ZMYND11: variants seen among roughly 807,000 people sequenced by gnomAD.
ZMYND11 encodes zinc finger MYND domain-containing protein 11.
Under a neutral mutation model 84.9 loss-of-function variants are expected in ZMYND11, and 9 were observed. That is an observed-to-expected ratio of 0.11 (90% CI 0.06 to 0.18). The LOEUF (loss-of-function observed/expected upper bound fraction) is 0.18. ZMYND11 is among the 10% of genes least tolerant of loss of function. The pLI is 1.00. For synonymous variants in ZMYND11, 250 were observed against 244.1 expected, an observed-to-expected ratio of 1.02 and a Z score of -0.23; for missense variants, 409 against 761.0, an observed-to-expected ratio of 0.54 and a Z score of 5.44.
chr10:244,697 A>G (rs2131873076), intron 10 of ZMYND11: 1 of 152,398 alleles, frequency 6.6e-6, no homozygotes, highest in East Asian at 1.9e-4. Context: ...TGGCAGACAT[A>G]GAGCCAGATT....
chr10:239,839 A>C, intron 7 of ZMYND11: 4 of 550,288 alleles, frequency 7.3e-6, no homozygotes, highest in Non-Finnish European at 9.6e-6. Context: ...CATCATCCAA[A>C]GGTAAGGTCA....
chr10:185,739 C>T (rs1446594634), intron 2 of ZMYND11, among the ~76,000 whole-genome samples: 3 of 139,824 alleles, frequency 2.1e-5, no homozygotes, highest in Non-Finnish European at 3.0e-5. Context: ...CACTTGAACC[C>T]GGGAGGCGGA....
At chr10:186,044 C>CT (rs760930795) in intron 2 of ZMYND11, among the ~76,000 whole-genome samples, 3 of 149,342 alleles carry the variant, frequency 2.0e-5, no homozygotes, top group Non-Finnish European at 3.0e-5. Context: ...GAGTCTGGCT[C>CT]TTTCGCCCAG....
chr10:149,473 G>A (rs1554756376), intron 1 of ZMYND11, among the ~76,000 whole-genome samples: 1 of 151,882 alleles, frequency 6.6e-6, no homozygotes, highest in African/African-American at 2.4e-5. Flanking sequence ...ACCATGCCTG[G>A]CTAATTTTTT....
chr10:245,885 A>G (rs1053655486), intron 10 of ZMYND11, among the ~76,000 whole-genome samples: 24 of 152,330 alleles, frequency 1.6e-4, no homozygotes, highest in African/African-American at 5.3e-4. Flanking sequence ...AGAGATTCCA[A>G]CCACTAATAG....
chr10:196,825 G>A (rs1013143998), intron 2 of ZMYND11, among the ~76,000 whole-genome samples: 1 of 152,198 alleles, frequency 6.6e-6, no homozygotes, highest in Non-Finnish European at 1.5e-5. Flanking sequence ...GGAAGAGAAT[G>A]TCTGAAACTG....
chr10:251,700 A>G (rs1953525943), intron 14 of ZMYND11, among the ~76,000 whole-genome samples: 1 of 152,152 alleles, frequency 6.6e-6, no homozygotes. Context: ...CCCATGACCA[A>G]AGAGTTCAAC....
intron 6 of ZMYND11, among the ~76,000 whole-genome samples, chr10:238,436 A>G (rs937425266): frequency 6.6e-6 from 1 of 151,804 alleles, no homozygotes; most frequent in Non-Finnish European, 1.5e-5. Context: ...GGCTCACTGC[A>G]AGCTCTGCCT....
intron 14 of ZMYND11, chr10:249,911 G>T (rs985312424): frequency 1.9e-5 from 7 of 373,052 alleles, no homozygotes; most frequent in Non-Finnish European, 2.2e-5. Context: ...TCGAATAGAT[G>T]AAGATAACTT....
At chr10:201,876 G>A (rs1943242160) in intron 2 of ZMYND11, among the ~76,000 whole-genome samples, 1 of 152,066 alleles carries the variant, frequency 6.6e-6, no homozygotes, top group Admixed American at 6.6e-5. Context: ...CCTGACCTGC[G>A]GTATTAAGTG....
chr10:158,356 C>T (rs1842158165), intron 1 of ZMYND11, among the ~76,000 whole-genome samples: 1 of 151,944 alleles, frequency 6.6e-6, no homozygotes, highest in Non-Finnish European at 1.5e-5. Flanking sequence ...TATGAAAACA[C>T]CGGTTTCTAT....
chr10:158,991 G>A (rs66529009), intron 1 of ZMYND11, among the ~76,000 whole-genome samples: 2 of 58,576 alleles, frequency 3.4e-5, no homozygotes, highest in African/African-American at 1.1e-4. Context: ...TTTGTTTTTT[G>A]TTTTTTTTTT....
At chr10:233,320 G>A (rs1026877239) in intron 4 of ZMYND11, among the ~76,000 whole-genome samples, 8 of 152,278 alleles carry the variant, frequency 5.3e-5, no homozygotes, top group East Asian at 1.9e-4. Context: ...ATCAAGCTAC[G>A]GGGAAGCTCG....
At chr10:170,054 A>G (rs555390302) in intron 1 of ZMYND11, among the ~76,000 whole-genome samples, 3 of 152,152 alleles carry the variant, frequency 2.0e-5, no homozygotes, top group Non-Finnish European at 4.4e-5. Flanking sequence ...CTTTACCTAT[A>G]GAGGAGCACA....
rs1339680302 is a variant in ZMYND11, at chr10:246,958, C to T, written c.1143C>T (p.Ser381=). The T allele has an allele frequency of 5.0e-6, 8 of 1,607,392 alleles. No homozygotes were observed. The highest frequency in any genetic ancestry group is 6.8e-6 in the Non-Finnish European group (8 of 1,176,930). Residue 381 remains serine, a synonymous_variant, in exon 11 of 15, where the codon TCC becomes TCT. Transcript: ENST00000381604. The stretch of plus-strand genomic sequence containing the variant: ...AAGAGGCAGAATCCAGTATCTCCTC[C>T]ACCAGTAATGAGCAGGTGAGTGTGT... ...GEEEAESSIS[S]TSNEQLKVTQ... is the part of the protein sequence containing the mutation.
chr10:249,332 A>G (rs1204868982), intron 14 of ZMYND11: 10 of 1,274,052 alleles, frequency 7.8e-6, no homozygotes, highest in African/African-American at 1.5e-5. Context: ...ACCTTAGTAC[A>G]TATTTATTAC....
intron 14 of ZMYND11, chr10:249,635 C>T (rs11251203): frequency 0.023 from 22,534 of 985,344 alleles, 288 homozygotes; most frequent in East Asian, 0.057. Context: ...CCAGTCTCAT[C>T]CTCCCCACTA....
intron 2 of ZMYND11, among the ~76,000 whole-genome samples, chr10:208,247 C>T (rs891659448): frequency 1.2e-4 from 19 of 152,176 alleles, no homozygotes; most frequent in Non-Finnish European, 2.1e-4. Context: ...GCAAGGACTT[C>T]GTGTCTAAAA....
intron 1 of ZMYND11, among the ~76,000 whole-genome samples, chr10:136,279 C>A (rs1038555597): frequency 6.6e-6 from 1 of 152,154 alleles, no homozygotes; most frequent in Admixed American, 6.5e-5. Context: ...TGCAGTCTCT[C>A]CTCGCGCTTT....
Sources: allele counts gnomAD v4.1 joint callset (sites outside exome capture counted in the v4.1 genomes callset), GRCh38; gene constraint gnomAD v4.1.1; transcripts MANE v1.5; gene names NCBI Gene and HGNC (gene_info 2026-07-23, HGNC 2026-07-21).